Variants in PPFIA2 observed in about 807,000 individuals in gnomAD.
PPFIA2 encodes the protein PPFI scaffold protein A2, also known as liprin-alpha-2.
PPFIA2 carries 46 observed loss-of-function variants against 175.5 expected under a neutral mutation model. The ratio of observed to expected loss-of-function variants is 0.26; its 90% CI spans 0.21 to 0.34. PPFIA2 has a LOEUF of 0.34. Ranked by LOEUF, PPFIA2 falls within the 10% of genes least tolerant of loss-of-function variation. The pLI, the probability that PPFIA2 is intolerant of heterozygous loss-of-function variation, is 1.00. For synonymous variants in PPFIA2, 568 were observed against 511.4 expected (o/e 1.11, Z -1.49); for missense variants, 1,179 against 1,506.1 (o/e 0.78, Z 3.60).
intron 3 of PPFIA2, among the ~76,000 whole-genome samples, chr12:81,752,237 A>G (rs1447715724): frequency 6.6e-6 from 1 of 152,198 alleles, no homozygotes; most frequent in Non-Finnish European, 1.5e-5. Context: ...CTGTATCCAG[A>G]AGAAGAAATG....
At chr12:81,696,388 C>G (rs965601330) in intron 3 of PPFIA2, among the ~76,000 whole-genome samples, 2 of 152,134 alleles carry the variant, frequency 1.3e-5, no homozygotes, top group Non-Finnish European at 2.9e-5. Flanking sequence ...TCTTAACTCT[C>G]ATCATCCAGT....
At chr12:81,380,573 C>A (rs2037406591) in intron 9 of PPFIA2, among the ~76,000 whole-genome samples, 1 of 151,888 alleles carries the variant, frequency 6.6e-6, no homozygotes, top group South Asian at 2.1e-4. Flanking sequence ...ATTTAGAGGA[C>A]AGTTATGTTG....
rs368585428 is a variant in PPFIA2, at chr12:81,568,260, A to G, written c.303+108531T>C. On this transcript the variant is annotated intron_variant, in intron 4 of 32. Coordinates refer to ENST00000549396, the MANE Select transcript of PPFIA2 (RefSeq NM_003625.5). ...ACAGTGCAGGGTACAGGTCATATAT[A>G]AACTCATGAAAAAGGACAAGAGTCA... Among the ~76,000 whole-genome samples, 89 of 152,284 alleles carry G rather than the reference A, an allele frequency of 5.8e-4. 2 individuals are homozygous for G. The South Asian group carries it at 0.018, about 31-fold the overall frequency.
At chr12:81,278,333 G>A (rs191405371) in intron 27 of PPFIA2, among the ~76,000 whole-genome samples, 69 of 152,218 alleles carry the variant, frequency 4.5e-4, no homozygotes, top group Non-Finnish European at 8.2e-4. Context: ...ACGTGGTCAG[G>A]AGTTCGAGAC....
rs2067905517 is a variant in PPFIA2 at position 81,657,073 on chromosome 12, TTAA to T, written c.303+19715_303+19717del. The stretch of plus-strand genomic sequence containing the variant: ...ATGCATAAATTTCACGTTTTGCTGA[TTAA>T]TGTTTCCCTGACTGTAAGCACTTGA... On this transcript the variant is annotated intron_variant, in intron 4 of 32. Coordinates refer to ENST00000549396, the MANE Select transcript of PPFIA2 (RefSeq NM_003625.5). Among the ~76,000 whole-genome samples the T allele has an allele frequency of 3.3e-5, 5 of 152,144 alleles. No homozygotes were observed. In the South Asian group the frequency reaches 1.0e-3, roughly 32 times the overall value.
At chr12:81,263,563 T>C (rs1209769399) in intron 30 of PPFIA2, among the ~76,000 whole-genome samples, 173 bp from the exon 31 acceptor site, 1 of 152,212 alleles carries the variant, frequency 6.6e-6, no homozygotes, top group Non-Finnish European at 1.5e-5. Flanking sequence ...AACAAGACTA[T>C]AGGAGATTTG....
intron 3 of PPFIA2, among the ~76,000 whole-genome samples, chr12:81,723,332 A>G (rs1340076168): frequency 2.0e-5 from 3 of 151,096 alleles, no homozygotes; most frequent in Non-Finnish European, 4.5e-5. Flanking sequence ...AAGCTGCCAC[A>G]TAATTTATGG....
At chr12:81,711,945 A>C (rs1158143677) in intron 3 of PPFIA2, among the ~76,000 whole-genome samples, 1 of 151,252 alleles carries the variant, frequency 6.6e-6, no homozygotes, top group Non-Finnish European at 1.5e-5. Context: ...TGAAAAAAAA[A>C]ATTTCTTCAA....
chr12:81,614,216 TG>T (rs1352472774), intron 4 of PPFIA2, among the ~76,000 whole-genome samples: 2 of 152,018 alleles, frequency 1.3e-5, no homozygotes, highest in African/African-American at 4.8e-5. Context: ...CACAGAGTAT[TG>T]GGGGAAATAT....
intron 4 of PPFIA2, among the ~76,000 whole-genome samples, chr12:81,463,308 T>A (rs1042675613): frequency 2.0e-5 from 3 of 152,094 alleles, no homozygotes; most frequent in Non-Finnish European, 4.4e-5. Context: ...GAAACTTTAT[T>A]CATACTTCAT....
intron 9 of PPFIA2, among the ~76,000 whole-genome samples, chr12:81,381,335 A>T (rs1351981242): frequency 6.6e-6 from 1 of 152,116 alleles, no homozygotes; most frequent in Non-Finnish European, 1.5e-5. Context: ...GCATCATAGG[A>T]GTGACATTTT....
Position 81,532,389 on chromosome 12 carries a change from G to A in PPFIA2, c.304-74523C>T, listed in dbSNP as rs567640100. Among the ~76,000 whole-genome samples the A allele has an allele frequency of 2.6e-5, 4 of 151,864 alleles. No individual in the cohort carries two copies. In the South Asian group the frequency reaches 6.2e-4, roughly 24 times the overall value. On this transcript the variant is annotated intron_variant, in intron 4 of 32. Transcript: ENST00000549396. ...CCTGAGAGACTATCAGAGCAGCTCA[G>A]CTCCCAAAATCTTGCCAGTTGCCAT...
intron 4 of PPFIA2, among the ~76,000 whole-genome samples, chr12:81,627,682 A>T (rs2062878089): frequency 6.6e-6 from 1 of 152,178 alleles, no homozygotes; most frequent in Non-Finnish European, 1.5e-5. Context: ...TCTGACAATA[A>T]TGCTAAGTTC....
At chr12:81,321,194 G>A (rs2053580847) in intron 22 of PPFIA2, among the ~76,000 whole-genome samples, 1 of 152,016 alleles carries the variant, frequency 6.6e-6, no homozygotes, top group African/African-American at 2.4e-5. Context: ...TTAACCAATA[G>A]TTATATGTTT....
intron 4 of PPFIA2, among the ~76,000 whole-genome samples, chr12:81,623,647 T>C (rs970600397): frequency 7.2e-5 from 11 of 152,000 alleles, no homozygotes; most frequent in Non-Finnish European, 4.4e-5. Context: ...GTTGTGTGGG[T>C]AAAGTTCCTT....
intron 23 of PPFIA2, among the ~76,000 whole-genome samples, chr12:81,299,092 T>C (rs141070465): frequency 1.1e-3 from 163 of 152,320 alleles, no homozygotes; most frequent in Admixed American, 2.9e-3. Flanking sequence ...ACACTTCCTT[T>C]TATCCCACTG....
chr12:81,429,788 T>G (rs1338440596), intron 7 of PPFIA2, among the ~76,000 whole-genome samples: 2 of 152,104 alleles, frequency 1.3e-5, no homozygotes, highest in African/African-American at 4.8e-5. Flanking sequence ...GAAATACCAT[T>G]GGAGAATCCA....
In PPFIA2 at chr12:81,468,804, A is replaced by G. The variant is rs577458252; in HGVS notation, c.304-10938T>C. 2.4e-4 allele frequency among the ~76,000 whole-genome samples: 37 copies of G among 152,314 alleles called. No homozygotes were observed. In the South Asian group the frequency reaches 7.7e-3, roughly 32 times the overall value. On this transcript the variant is annotated intron_variant, in intron 4 of 32. Transcript: ENST00000549396. ...CCTGCCTTGAAGAATTTAACTGTGT[A>G]CAACATTTAAAATTGCACACTGTAG...
At chr12:81,263,519 C>G (rs940603234) in intron 30 of PPFIA2, 129 bp from the exon 31 acceptor site, 1 of 693,794 alleles carries the variant, frequency 1.4e-6, no homozygotes, top group African/African-American at 1.8e-5. Flanking sequence ...TATGGAATCA[C>G]GCTTTATCAA....
Sources: allele counts gnomAD v4.1 joint callset (sites outside exome capture counted in the v4.1 genomes callset), GRCh38; gene constraint gnomAD v4.1.1; transcripts MANE v1.5; gene names NCBI Gene and HGNC (gene_info 2026-07-23, HGNC 2026-07-21).